SLIT3: variants seen among roughly 807,000 people sequenced by gnomAD.
The protein encoded by SLIT3 is slit homolog 3 protein.
A neutral mutation model predicts 184.0 loss-of-function variants in SLIT3; 68 were observed. The observed-to-expected ratio is 0.37, with a 90% CI of 0.30 to 0.45. The LOEUF is 0.45. SLIT3 is among the 20% of genes least tolerant of loss of function. SLIT3 has a pLI of 1.00. For missense variants in SLIT3, 1,707 were observed against 2,026.0 expected (o/e 0.84, Z 3.02); for synonymous variants, 831 against 828.6 (o/e 1.00, Z -0.05).
chr5:169,247,175 C>G (rs1765621204), intron 2 of SLIT3, among the ~76,000 whole-genome samples: 1 of 148,488 alleles, frequency 6.7e-6, no homozygotes, highest in Non-Finnish European at 1.5e-5. Flanking sequence ...AAGATTGCAC[C>G]ATTGCACTCC....
intron 1 of SLIT3, among the ~76,000 whole-genome samples, chr5:169,297,691 A>G (rs1004689622): frequency 3.3e-5 from 5 of 152,254 alleles, no homozygotes; most frequent in African/African-American, 1.2e-4. Flanking sequence ...CAAAAGGCTC[A>G]CCAAAGCAAG....
chr5:168,851,120 G>A (rs1272785863), intron 5 of SLIT3, among the ~76,000 whole-genome samples: 6 of 152,058 alleles, frequency 3.9e-5, no homozygotes, highest in Non-Finnish European at 8.8e-5. Flanking sequence ...TCAGAAGATC[G>A]AGACCATCCT....
intron 4 of SLIT3, among the ~76,000 whole-genome samples, chr5:169,044,639 G>A (rs1757565614): frequency 1.3e-5 from 2 of 151,962 alleles, no homozygotes; most frequent in South Asian, 4.1e-4. Context: ...TCTCTTTGGG[G>A]TGATGGGATG....
chr5:169,197,177 T>G (rs1763768242), intron 3 of SLIT3, among the ~76,000 whole-genome samples: 1 of 152,146 alleles, frequency 6.6e-6, no homozygotes, highest in African/African-American at 2.4e-5. Flanking sequence ...ATAACTAAAT[T>G]TAGCCAATTG....
intron 12 of SLIT3, among the ~76,000 whole-genome samples, chr5:168,782,889 C>A (rs191172670): frequency 3.9e-5 from 6 of 152,210 alleles, no homozygotes. Flanking sequence ...AGGAACTGAA[C>A]GTGTTTAGGA....
chr5:168,867,327 C>T lies in SLIT3; in HGVS notation c.485+15938G>A, dbSNP rs35326780. 2.4e-3 allele frequency among the ~76,000 whole-genome samples: 368 copies of T among 152,302 alleles called. 1 individual carries two copies. Among genetic ancestry groups the T allele is most frequent in the Middle Eastern group, 0.01 (3 of 294 alleles). On this transcript the variant is annotated intron_variant, in intron 5 of 35. Coordinates refer to ENST00000519560, the MANE Select transcript of SLIT3 (RefSeq NM_003062.4). ...TATGAGTCGTTGACTCTACTTTGTT[C>T]TCAAAGAACAGGCAATCAATGACAA...
At chr5:169,136,155 G>T (rs1761494429) in intron 4 of SLIT3, among the ~76,000 whole-genome samples, 1 of 152,170 alleles carries the variant, frequency 6.6e-6, no homozygotes, top group Non-Finnish European at 1.5e-5. Context: ...CCAGCTTGAG[G>T]GGAGGGGGAC....
chr5:168,866,051 A>G lies in SLIT3; in HGVS notation c.485+17214T>C, dbSNP rs573288642. Among the ~76,000 whole-genome samples the G allele has an allele frequency of 7.8e-4, 119 of 152,306 alleles. 1 individual carries two copies. Among genetic ancestry groups the G allele is most frequent in the African/African-American group, 2.7e-3 (111 of 41,578 alleles). On this transcript the variant is annotated intron_variant, in intron 5 of 35. Transcript: ENST00000519560. The stretch of plus-strand genomic sequence containing the variant: ...TTGAGGAAGCTCTGTGACTCTTTGC[A>G]TCTCTTTTTCAAGACAGCTTTTTCA...
chr5:168,735,664 AC>A (rs1763412866), intron 20 of SLIT3, among the ~76,000 whole-genome samples: 4 of 41,162 alleles, frequency 9.7e-5, no homozygotes, highest in Non-Finnish European at 2.1e-4. Context: ...AGATAGATAC[AC>A]ACACACACAC....
At chr5:168,966,111 A>C (rs373381020) in intron 4 of SLIT3, among the ~76,000 whole-genome samples, 74 of 152,376 alleles carry the variant, frequency 4.9e-4, no homozygotes, top group African/African-American at 1.7e-3. Context: ...AATAGGCAAC[A>C]TAAAAGCAAG....
At chr5:168,667,496 G>GAAAT (rs1295652340) in intron 35 of SLIT3, 7 of 152,334 alleles carry the variant, frequency 4.6e-5, no homozygotes, top group African/African-American at 1.7e-4. Context: ...AGAAGGCCTA[G>GAAAT]AAATAACTGC....
intron 4 of SLIT3, among the ~76,000 whole-genome samples, chr5:169,147,819 TAAG>T (rs938311270): frequency 3.9e-5 from 6 of 152,090 alleles, no homozygotes; most frequent in Non-Finnish European, 8.8e-5. Context: ...CTTAGATGTC[TAAG>T]AAGTAAAACC....
chr5:168,704,130 T>C (rs1762307150), intron 26 of SLIT3, among the ~76,000 whole-genome samples: 1 of 151,582 alleles, frequency 6.6e-6, no homozygotes, highest in South Asian at 2.1e-4. Flanking sequence ...AGGCCTGACC[T>C]CGGATCTAAT....
intron 29 of SLIT3, among the ~76,000 whole-genome samples, chr5:168,687,418 C>T (rs1165876041): frequency 1.3e-5 from 2 of 152,194 alleles, no homozygotes; most frequent in Non-Finnish European, 2.9e-5. Flanking sequence ...TTGGTCCTTC[C>T]TTTGGGTCAG....
intron 20 of SLIT3, among the ~76,000 whole-genome samples, chr5:168,733,980 A>T (rs1047585549): frequency 5.9e-5 from 9 of 152,176 alleles, no homozygotes; most frequent in Non-Finnish European, 1.3e-4. Flanking sequence ...TGGGAGCATG[A>T]CAATGGGTAC....
intron 10 of SLIT3, among the ~76,000 whole-genome samples, chr5:168,792,555 TC>T (rs1756414738): frequency 6.6e-6 from 1 of 152,130 alleles, no homozygotes; most frequent in African/African-American, 2.4e-5. Context: ...GGTGGCAAAT[TC>T]AAGTGCCTAC....
chr5:168,730,137 C>A (rs1371442159), intron 20 of SLIT3, among the ~76,000 whole-genome samples: 1 of 151,510 alleles, frequency 6.6e-6, no homozygotes, highest in Non-Finnish European at 1.5e-5. Context: ...AAAAAGGTCA[C>A]TAGATAATGA....
At chr5:168,717,279 T>C (rs1326148296) in intron 23 of SLIT3, among the ~76,000 whole-genome samples, 1 of 141,726 alleles carries the variant, frequency 7.1e-6, no homozygotes, top group East Asian at 2.0e-4. Flanking sequence ...CGGTATATCC[T>C]TCACAAGGCA....
At chr5:168,671,734 T>C (rs1268794151) in intron 33 of SLIT3, among the ~76,000 whole-genome samples, 1 of 152,130 alleles carries the variant, frequency 6.6e-6, no homozygotes, top group African/African-American at 2.4e-5. Flanking sequence ...CCATAAAAAT[T>C]TGTATCTTGG....
Sources: gnomAD v4.1 joint callset for allele counts (sites outside exome capture counted in the v4.1 genomes callset) on GRCh38, gnomAD v4.1.1 for gene constraint, MANE v1.5 for transcripts, NCBI Gene and HGNC (gene_info 2026-07-23, HGNC 2026-07-21) for gene names.